PFKFB4: variants seen among roughly 807,000 people sequenced by gnomAD.
PFKFB4 encodes 6-phosphofructo-2-kinase/fructose-2,6-biphosphatase 4.
Under a neutral mutation model 62.8 loss-of-function variants are expected in PFKFB4, and 42 were observed. The ratio of observed to expected loss-of-function variants is 0.67; its 90% CI spans 0.52 to 0.86. PFKFB4 has a LOEUF of 0.86. Ranked by LOEUF, PFKFB4 falls within the 40% of genes least tolerant of loss-of-function variation. The pLI is 0.00. For missense variants in PFKFB4, 475 were observed against 627.2 expected (o/e 0.76, Z 2.59); for synonymous variants, 204 against 240.7 (o/e 0.85, Z 1.41).
In PFKFB4 at chr3:48,523,518, G is replaced by C; in HGVS notation, c.1285+19C>G. On this transcript the variant is annotated intron_variant, in intron 12 of 13. Transcript: ENST00000232375. ...AAGGTCATGGCTACCCATGGTCAAT[G>C]TGCAGGAAGCTTCCTTACCATATGC... 6.2e-7 allele frequency: 1 copy of C among 1,610,774 alleles called. No individual in the cohort carries two copies. Among genetic ancestry groups the C allele is most frequent in the Non-Finnish European group, 8.5e-7 (1 of 1,177,072 alleles).
chr3:48,543,646 C>T lies in PFKFB4; in HGVS notation c.312G>A (p.Lys104=), dbSNP rs2042868588. The T allele has an allele frequency of 6.2e-7, 1 of 1,610,372 alleles. No individual in the cohort carries two copies. The highest frequency in any genetic ancestry group is 1.3e-5 in the African/African-American group (1 of 74,894). ...PDNEEGLKIR[K]QCALAALRDV... ...CACGGAGGGCTGCCAGGGCACACTG[C>T]CTTCAGGAGAGAAAACACAGGGTCA... The change falls in exon 4 of 14, where the codon AAG becomes AAA. Residue 104 remains lysine (K), a splice_region_variant and synonymous_variant. Coordinates refer to ENST00000232375, the MANE Select transcript of PFKFB4 (RefSeq NM_004567.4).
Position 48,556,606 on chromosome 3 carries a change from G to C in PFKFB4, c.97+75C>G, listed in dbSNP as rs986202836. On this transcript the variant is annotated intron_variant, in intron 1 of 13. Coordinates refer to ENST00000232375, the MANE Select transcript of PFKFB4 (RefSeq NM_004567.4). This position sits in a 1 kb window ranked among gnomAD's most constrained non-coding sequence, Gnocchi z 5.7. ...TCTGTCTCCCGCCCCTTCTCCATGCGAGACCCCCGCCCAGGCCGCCCTACC... is the reference window on the plus strand; with the variant it reads ...TCTGTCTCCCGCCCCTTCTCCATGCCAGACCCCCGCCCAGGCCGCCCTACC... 3.4e-6 allele frequency: 5 copies of C among 1,472,506 alleles called. No homozygotes were observed. The highest frequency in any genetic ancestry group is 4.6e-6 in the Non-Finnish European group (5 of 1,091,592). 91.2% of individuals were successfully genotyped at this position (1,472,506 alleles called of 1,614,324 possible).
chr3:48,555,441 T>C (rs1441304835), intron 1 of PFKFB4, among the ~76,000 whole-genome samples: 1 of 152,186 alleles, frequency 6.6e-6, no homozygotes, highest in African/African-American at 2.4e-5. Context: ...TTGCTTATCA[T>C]ACATAAGCAG....
chr3:48,554,819 AG>A (rs779135013), intron 1 of PFKFB4, among the ~76,000 whole-genome samples: 11 of 152,182 alleles, frequency 7.2e-5, no homozygotes, highest in African/African-American at 2.7e-4. Context: ...TGGGAGGCCA[AG>A]GGGGGCAGAT....
At chr3:48,526,166 TG>T (rs1229308227) in intron 9 of PFKFB4, 1 of 151,938 alleles carries the variant, frequency 6.6e-6, no homozygotes, top group African/African-American at 2.4e-5. Context: ...AAGACCAGCC[TG>T]GCCAACATGG....
chr3:48,538,701 G>C, intron 6 of PFKFB4, 82 bp from the exon 7 acceptor site: 1 of 1,579,788 alleles, frequency 6.3e-7, no homozygotes, highest in Non-Finnish European at 8.6e-7. Context: ...TGCTGGGCAG[G>C]GGGCTGGAGG....
upstream of PFKFB4, chr3:48,559,897 ACCACACAC>A (rs1313723320): frequency 6.9e-6 from 1 of 144,310 alleles, no homozygotes; most frequent in Non-Finnish European, 1.4e-5. Context: ...AAACCATCCC[ACCACACAC>A]ACACACACAC....
chr3:48,520,860 C>G (rs1015376532), intron 13 of PFKFB4, among the ~76,000 whole-genome samples: 4 of 152,208 alleles, frequency 2.6e-5, no homozygotes, highest in Non-Finnish European at 5.9e-5. Flanking sequence ...TTACCATCAC[C>G]CTGCCAACCC....
In PFKFB4 at chr3:48,556,739, C is replaced by A. The variant is rs2043335620; in HGVS notation, c.39G>T (p.Lys13Asn). The A allele has an allele frequency of 6.2e-7, 1 of 1,607,352 alleles. No individual in the cohort carries two copies. Among genetic ancestry groups the A allele is most frequent in the Non-Finnish European group, 8.5e-7 (1 of 1,176,992 alleles). ...CATTGCTGTATGGCATCCAGATCTT[C>A]TTCAGGGGGTTCTGTGTCAATTCCC... ...SPRELTQNPL[K>N]KIWMPYSNGR... is the part of the protein sequence containing the mutation. The change falls in exon 1 of 14, where the codon AAG becomes AAT. Residue 13 changes from lysine (K) to asparagine (N), a missense_variant. Lys to Asn is a moderately conservative substitution (Grantham distance 94). Transcript: ENST00000232375. This position sits in a 1 kb window ranked among gnomAD's most constrained non-coding sequence, Gnocchi z 5.7.
chr3:48,535,286 G>A (rs890637339), intron 9 of PFKFB4, among the ~76,000 whole-genome samples: 1 of 152,012 alleles, frequency 6.6e-6, no homozygotes, highest in African/African-American at 2.4e-5. Context: ...GGAGAGTGAG[G>A]TTGAGGTGTC....
At chr3:48,536,722 C>T in intron 7 of PFKFB4, 1 of 488,120 alleles carries the variant, frequency 2.0e-6, no homozygotes, top group East Asian at 3.3e-5. Flanking sequence ...AAGGTGACAT[C>T]CAAAGTGGGG....
At chr3:48,537,865 A>G (rs539637456) in intron 7 of PFKFB4, among the ~76,000 whole-genome samples, 1 of 152,290 alleles carries the variant, frequency 6.6e-6, no homozygotes, top group South Asian at 2.1e-4. Context: ...CCTAAGCACA[A>G]GTTTGTATTC....
chr3:48,525,985 T>C (rs1456005855), intron 9 of PFKFB4: 8 of 180,918 alleles, frequency 4.4e-5, no homozygotes, highest in Non-Finnish European at 6.9e-5. Context: ...ATGCAAACTA[T>C]GAAGGAAAAC....
chr3:48,559,898 C>CCACACACA (rs34826551), upstream of PFKFB4: 2,593 of 191,664 alleles, frequency 0.014, 44 homozygotes, highest in African/African-American at 0.019. Context: ...AACCATCCCA[C>CCACACACA]CACACACACA....
At chr3:48,546,163 G>A (rs1205510269) in intron 3 of PFKFB4, among the ~76,000 whole-genome samples, 1 of 151,936 alleles carries the variant, frequency 6.6e-6, no homozygotes, top group African/African-American at 2.4e-5. Context: ...GTATTCCCTG[G>A]GCCCATGTAT....
upstream of PFKFB4, chr3:48,562,756 G>A (rs200766954): frequency 3.5e-5 from 53 of 1,512,606 alleles, no homozygotes; most frequent in East Asian, 8.6e-4. The surrounding 1 kb of genome is among the most constrained non-coding windows in gnomAD (Gnocchi z 4.3). Context: ...ATCCAGGGTG[G>A]CCCTATCACT....
At chr3:48,527,597 A>G (rs2042303299) in intron 9 of PFKFB4, among the ~76,000 whole-genome samples, 1 of 151,902 alleles carries the variant, frequency 6.6e-6, no homozygotes, top group Admixed American at 6.6e-5. Context: ...TCTTGAAGAG[A>G]CTGTTAGTAG....
upstream of PFKFB4, chr3:48,559,618 C>T (rs1220315776): frequency 6.6e-6 from 3 of 456,854 alleles, no homozygotes; most frequent in East Asian, 6.9e-5. Flanking sequence ...CTTTTTCCTC[C>T]TCAGTATATC....
Position 48,550,112 on chromosome 3 carries a change from C to T in PFKFB4, c.214+6G>A. On this transcript the variant is annotated splice_donor_region_variant and intron_variant, in intron 2 of 13. Transcript: ENST00000232375. The stretch of plus-strand genomic sequence containing the variant: ...CTCCCCTTAGACAGCTGGGGCCAAG[C>T]CTCACCCCGAGTGGGCACACCAATC... 1 of 1,597,108 alleles carries T rather than the reference C, an allele frequency of 6.3e-7. No homozygotes were observed.
Sources: allele counts gnomAD v4.1 joint callset (sites outside exome capture counted in the v4.1 genomes callset), GRCh38; gene constraint gnomAD v4.1.1; non-coding constraint Gnocchi (gnomAD v3.1); transcripts MANE v1.5; gene names NCBI Gene and HGNC (gene_info 2026-07-23, HGNC 2026-07-21).